The following MZT2A variants were observed in gnomAD, a reference collection of about 807,000 sequenced individuals.
The protein encoded by MZT2A is mitotic-spindle organizing protein 2A.
MZT2A carries 8 observed loss-of-function variants against 12.4 expected under a neutral mutation model. The ratio of observed to expected loss-of-function variants is 0.64; its 90% CI spans 0.38 to 1.16. The LOEUF (loss-of-function observed/expected upper bound fraction) is 1.16, where lower values mean the gene tolerates loss of function less well. Among genes scored for constraint, MZT2A ranks in the 50% most tolerant of loss-of-function variants. The pLI, the probability that MZT2A is intolerant of heterozygous loss-of-function variation, is 0.01. For missense variants in MZT2A, 181 were observed against 223.6 expected (o/e 0.81, Z 1.22); for synonymous variants, 88 against 107.5 (o/e 0.82, Z 1.12).
intron 2 of MZT2A, among the ~76,000 whole-genome samples, chr2:131,487,052 G>C: frequency 6.6e-6 from 1 of 152,130 alleles, no homozygotes; most frequent in Non-Finnish European, 1.5e-5. Context: ...GAGTCAGACG[G>C]GCTAGACAGT....
chr2:131,492,796 G>GCGC, upstream of MZT2A: 1 of 853,256 alleles, frequency 1.2e-6, no homozygotes, highest in Non-Finnish European at 1.7e-6. Flanking sequence ...GGGGTGGGGG[G>GCGC]CACTAATCAA....
chr2:131,479,499 G>A (rs779080541), downstream of MZT2A: 2 of 1,603,318 alleles, frequency 1.2e-6, no homozygotes, highest in Non-Finnish European at 1.7e-6. Context: ...TTGCATGGGA[G>A]GGGTAGTTCT....
At chr2:131,475,995 A>C in intron 2 of MZT2A, 2 of 913,910 alleles carry the variant, frequency 2.2e-6, no homozygotes, top group Non-Finnish European at 3.3e-6. Context: ...GAGCGTCCCC[A>C]GTACACATGT....
chr2:131,492,602 C>T (rs549171411), upstream of MZT2A: 553 of 1,199,332 alleles, frequency 4.6e-4, 1 homozygote, highest in Non-Finnish European at 2.4e-4. Flanking sequence ...GCATGGCGGA[C>T]TGCAGGGGCC....
rs1440937893 is a variant in MZT2A at position 131,484,123 on chromosome 2, T to A, written c.415A>T (p.Ser139Cys). 2.5e-6 allele frequency: 4 copies of A among 1,613,952 alleles called. No individual in the cohort carries two copies. The African/African-American group carries it at 5.3e-5, about 22-fold the overall frequency. Residue 139 changes from serine (S) to cysteine (C), a missense_variant, in exon 3 of 3, where the codon AGC (serine) becomes TGC (cysteine). Transcript: ENST00000309451. ...CCCCCCTTGGGCAGCCTGGTAGCGC[T>A]GGGCTGGCGTGGCATCCTCTGGCTG... is the stretch of plus-strand genomic sequence containing the variant. ...GSSQRMPRQP[S>C]ATRLPKGGGP... is the part of the protein sequence containing the mutation.
chr2:131,492,857 GC>G, upstream of MZT2A: 2 of 1,489,924 alleles, frequency 1.3e-6, no homozygotes, highest in Non-Finnish European at 1.8e-6. Context: ...AAGTGCGTGA[GC>G]CCTACCTTGG....
intron 2 of MZT2A, among the ~76,000 whole-genome samples, chr2:131,475,119 C>T (rs1253433180): frequency 6.7e-6 from 1 of 150,048 alleles, no homozygotes; most frequent in African/African-American, 2.5e-5. Context: ...CGCCACCGTG[C>T]CTTGCTAATT....
intron 2 of MZT2A, among the ~76,000 whole-genome samples, chr2:131,485,453 C>A (rs868802990): frequency 1.3e-5 from 2 of 152,178 alleles, no homozygotes; most frequent in Non-Finnish European, 2.9e-5. Flanking sequence ...CCACACCCCA[C>A]CCCCTCAGTG....
chr2:131,487,239 G>T (rs72859883), intron 2 of MZT2A, among the ~76,000 whole-genome samples: 24,427 of 152,158 alleles, frequency 0.16, 2,462 homozygotes, highest in South Asian at 0.24. Context: ...CAGTGCTTTG[G>T]GAGGCCAAGG....
chr2:131,483,947 A>G (rs57354961), downstream of MZT2A: 141,705 of 1,441,362 alleles, frequency 0.098, 11,265 homozygotes, highest in African/African-American at 0.42. Flanking sequence ...AAAAAAAAAC[A>G]GTAGAGAGCA....
chr2:131,480,524 A>G (rs141085947), downstream of MZT2A: 7,377 of 1,602,952 alleles, frequency 4.6e-3, 214 homozygotes, highest in African/African-American at 7.9e-3. Context: ...CAGTCATCTC[A>G]GCTGAGAAGG....
At chr2:131,470,690 A>G (rs1704964880) in intron 3 of MZT2A, among the ~76,000 whole-genome samples, 1 of 146,370 alleles carries the variant, frequency 6.8e-6, no homozygotes, top group South Asian at 2.1e-4. Context: ...GCATTTGGGC[A>G]CTCAATATAG....
At chr2:131,482,467 G>A (rs1678893926), downstream of MZT2A, 2 of 1,529,794 alleles carry the variant, frequency 1.3e-6, no homozygotes, top group African/African-American at 1.4e-5. Flanking sequence ...TCACCTACAG[G>A]GTGTCTTCTG....
At chr2:131,479,286 G>A (rs1412908333), downstream of MZT2A, 1 of 1,612,084 alleles carries the variant, frequency 6.2e-7, no homozygotes, top group Non-Finnish European at 8.5e-7. Flanking sequence ...AAAATTCACA[G>A]CACACACTGT....
chr2:131,478,217 C>T (rs757420147), intron 2 of MZT2A: 1 of 1,614,130 alleles, frequency 6.2e-7, no homozygotes, highest in South Asian at 1.1e-5. Flanking sequence ...TCGGCAATGC[C>T]TGCTGGGAAC....
At chr2:131,481,964 A>C (rs1048556700), downstream of MZT2A, among the ~76,000 whole-genome samples, 4 of 152,198 alleles carry the variant, frequency 2.6e-5, no homozygotes, top group African/African-American at 9.7e-5. Flanking sequence ...CGAGTTCTGA[A>C]ACTTGGAATG....
At chr2:131,480,650 C>G, downstream of MZT2A, 1 of 1,613,800 alleles carries the variant, frequency 6.2e-7, no homozygotes, top group South Asian at 1.1e-5. Context: ...GCATGTTGTA[C>G]AGGGGGGACG....
intron 2 of MZT2A, chr2:131,486,636 G>A (rs2104735042): frequency 6.6e-6 from 1 of 152,006 alleles, no homozygotes; most frequent in South Asian, 2.1e-4. Flanking sequence ...GTGGGGGAGG[G>A]GGGTTTAGAG....
At chr2:131,492,942 A>C, upstream of MZT2A, 1 of 1,516,008 alleles carries the variant, frequency 6.6e-7, no homozygotes, top group Non-Finnish European at 8.9e-7. Flanking sequence ...CTGCCTCGCC[A>C]TTTCCCCTCC....
Sources: allele counts gnomAD v4.1 joint callset (sites outside exome capture counted in the v4.1 genomes callset), GRCh38; gene constraint gnomAD v4.1.1; transcripts MANE v1.5; gene names NCBI Gene and HGNC (gene_info 2026-07-23, HGNC 2026-07-21).